The following ADAMTS10 variants were observed in gnomAD, a reference collection of about 807,000 sequenced individuals.
ADAMTS10 encodes A disintegrin and metalloproteinase with thrombospondin motifs 10.
ADAMTS10 carries 48 observed loss-of-function variants against 135.9 expected under a neutral mutation model. The observed-to-expected ratio is 0.35, with a 90% CI of 0.28 to 0.45. ADAMTS10 has a LOEUF of 0.45. ADAMTS10 is among the 20% of genes least tolerant of loss of function. The probability of loss-of-function intolerance (pLI) is 1.00; values close to 1 mark genes in which losing one functional copy is unlikely to be tolerated. For missense variants in ADAMTS10, 1,131 were observed against 1,565.2 expected (o/e 0.72, Z 4.68); for synonymous variants, 621 against 647.5 (o/e 0.96, Z 0.62).
chr19:8,587,091 A>C (rs2042443679), intron 18 of ADAMTS10, among the ~76,000 whole-genome samples, 195 bp from the exon 19 acceptor site: 1 of 152,112 alleles, frequency 6.6e-6, no homozygotes, highest in Non-Finnish European at 1.5e-5. Flanking sequence ...AGGCTCAGAG[A>C]AGCTAAGGAA....
chr19:8,581,752 C>T (rs1333866738), intron 25 of ADAMTS10, among the ~76,000 whole-genome samples: 2 of 151,452 alleles, frequency 1.3e-5, no homozygotes, highest in Non-Finnish European at 2.9e-5. Flanking sequence ...GGAGAATTGC[C>T]TGAACCCGGG....
intron 6 of ADAMTS10, among the ~76,000 whole-genome samples, chr19:8,598,320 A>C (rs1346728150): frequency 6.6e-6 from 1 of 151,372 alleles, no homozygotes; most frequent in Non-Finnish European, 1.5e-5. Context: ...GACTGCCTCA[A>C]GCATCTTTGT....
intron 12 of ADAMTS10, 157 bp downstream of exon 12, chr19:8,595,605 C>T (rs1017883743): frequency 4.1e-5 from 48 of 1,181,306 alleles, no homozygotes; most frequent in Non-Finnish European, 5.8e-5. Flanking sequence ...ACTCCATGCA[C>T]CTCTGTCCTC....
chr19:8,590,800 T>A (rs2042514380), intron 15 of ADAMTS10, among the ~76,000 whole-genome samples: 1 of 151,982 alleles, frequency 6.6e-6, no homozygotes, highest in Non-Finnish European at 1.5e-5. Flanking sequence ...TTTGCCATGT[T>A]GGCCAGGATG....
Position 8,603,885 on chromosome 19 carries a change from C to G in ADAMTS10, c.436-1G>C. The G allele has an allele frequency of 6.2e-7, 1 of 1,606,166 alleles. No individual in the cohort carries two copies. Among genetic ancestry groups the G allele is most frequent in the Non-Finnish European group, 8.5e-7 (1 of 1,174,184 alleles). ...CCTCGTCTGCCACGATCAGGCCGTGCTGGGTTTTGAGAAGTGGGATAGAAA... is the reference window on the plus strand; with the variant it reads ...CCTCGTCTGCCACGATCAGGCCGTGGTGGGTTTTGAGAAGTGGGATAGAAA... On this transcript the variant is annotated splice_acceptor_variant, in intron 4 of 25. Coordinates refer to ENST00000597188, the MANE Select transcript of ADAMTS10 (RefSeq NM_030957.4). LOFTEE classifies it high-confidence loss of function.
intron 14 of ADAMTS10, 42 bp from the exon 15 acceptor site, chr19:8,591,905 C>G: frequency 6.2e-7 from 1 of 1,611,992 alleles, no homozygotes; most frequent in Non-Finnish European, 8.5e-7. Flanking sequence ...AGGCAGTGGG[C>G]GATGGGGGCA....
Position 8,586,257 on chromosome 19 carries a change from G to A in ADAMTS10, c.2531-6C>T, listed in dbSNP as rs1555737128. 3.1e-6 allele frequency: 5 copies of A among 1,613,194 alleles called. No homozygotes were observed. Among genetic ancestry groups the A allele is most frequent in the South Asian group, 1.1e-5 (1 of 91,050 alleles). ...CACCGCCTGCACCTGGCTACCTGGA[G>A]GGGAGGGTGAGAGGCCTGCTCAGCC... On this transcript the variant is annotated splice_polypyrimidine_tract_variant and splice_region_variant and intron_variant, in intron 21 of 25. Coordinates refer to ENST00000597188, the MANE Select transcript of ADAMTS10 (RefSeq NM_030957.4).
At chr19:8,589,639 C>G (rs1568396263) in intron 16 of ADAMTS10, 54 bp from the exon 17 acceptor site, 2 of 1,609,086 alleles carry the variant, frequency 1.2e-6, no homozygotes, top group South Asian at 2.2e-5. Context: ...GAACTCTTTG[C>G]TTGCTCCCTG....
chr19:8,592,668 C>T, intron 13 of ADAMTS10, 95 bp downstream of exon 13: 1 of 1,247,608 alleles, frequency 8.0e-7, no homozygotes, highest in Non-Finnish European at 1.1e-6. Context: ...TGGGAGGGAG[C>T]AGATAATAGG....
chr19:8,592,585 G>A (rs1207682013), intron 13 of ADAMTS10, among the ~76,000 whole-genome samples, 178 bp downstream of exon 13: 2 of 151,552 alleles, frequency 1.3e-5, no homozygotes, highest in African/African-American at 4.9e-5. Context: ...CGGTGGGCGT[G>A]GCCAACGCGG....
At chr19:8,588,197 G>A (rs963028264) in intron 18 of ADAMTS10, among the ~76,000 whole-genome samples, 1 of 152,070 alleles carries the variant, frequency 6.6e-6, no homozygotes, top group Non-Finnish European at 1.5e-5. Context: ...GCAGTGAGCC[G>A]AGATCAAGCC....
At chr19:8,597,806 A>G (rs1381873672) in intron 6 of ADAMTS10, among the ~76,000 whole-genome samples, 1 of 151,208 alleles carries the variant, frequency 6.6e-6, no homozygotes, top group African/African-American at 2.4e-5. Flanking sequence ...ATGCCCACTT[A>G]ATTTTTTTTT....
At position 8,595,910 on chromosome 19, in the gene ADAMTS10, C is replaced by T. The variant is rs782434747; in HGVS notation, c.1338-7G>A. 3 of 1,614,142 alleles carry T rather than the reference C, an allele frequency of 1.9e-6. No individual in the cohort carries two copies. Among genetic ancestry groups the T allele is most frequent in the Non-Finnish European group, 2.5e-6 (3 of 1,180,026 alleles). On this transcript the variant is annotated splice_polypyrimidine_tract_variant and splice_region_variant and intron_variant, in intron 11 of 25. Transcript: ENST00000597188. ...GCAGAGCCCCAGGCCCGAGCTGCCT[C>T]GAGAGAAAAGCAACTGTCATGCTAG...
chr19:8,606,126 TCA>T (rs1418456791), intron 2 of ADAMTS10, among the ~76,000 whole-genome samples: 1 of 152,204 alleles, frequency 6.6e-6, no homozygotes, highest in Non-Finnish European at 1.5e-5. Context: ...AGTGTTGTGA[TCA>T]TAGCTCACTG....
In ADAMTS10 at chr19:8,596,923, T is replaced by C. The variant is rs1555740368; in HGVS notation, c.1040+64A>G. 3 of 1,601,432 alleles carry C rather than the reference T, an allele frequency of 1.9e-6. No homozygotes were observed. The highest frequency in any genetic ancestry group is 2.5e-6 in the Non-Finnish European group (3 of 1,178,258). On this transcript the variant is annotated intron_variant, in intron 8 of 25. Transcript: ENST00000597188. The surrounding 1 kb of genome is among the most constrained non-coding windows in gnomAD (Gnocchi z 7.2). Reference sequence around the variant, plus strand: ...TAGCAGAAGTGATCTCTGTTTGGACTCTCATGGTTCCCTGGACCATCTGTT... The same window carrying C: ...TAGCAGAAGTGATCTCTGTTTGGACCCTCATGGTTCCCTGGACCATCTGTT...
At chr19:8,609,768 C>T (rs2042760853) in intron 1 of ADAMTS10, among the ~76,000 whole-genome samples, 1 of 152,124 alleles carries the variant, frequency 6.6e-6, no homozygotes, top group Non-Finnish European at 1.5e-5. Context: ...CACTCCCACA[C>T]CCAGACACAC....
rs1202101682 is a variant in ADAMTS10 at position 8,583,548 on chromosome 19, G to GA, written c.3202+1346dup. On this transcript the variant is annotated intron_variant, in intron 25 of 25. Transcript: ENST00000597188. The stretch of plus-strand genomic sequence containing the variant: ...AGAGTGAGACTTTGTCTCAAAACAA[G>GA]AAAAAAAAAAATTTACAGCCAGGCG... Among the ~76,000 whole-genome samples the GA allele has an allele frequency of 1.8e-3, 229 of 128,640 alleles. 1 individual carries two copies. Among genetic ancestry groups the GA allele is most frequent in the African/African-American group, 4.9e-3 (166 of 34,210 alleles). 84.4% of individuals were successfully genotyped at this position (128,640 alleles called of 152,430 possible).
Position 8,605,114 on chromosome 19 carries a change from G to T in ADAMTS10, c.333C>A (p.Gly111=). 1 of 1,613,332 alleles carries T rather than the reference G, an allele frequency of 6.2e-7. No individual in the cohort carries two copies. Among genetic ancestry groups the T allele is most frequent in the Non-Finnish European group, 8.5e-7 (1 of 1,179,792 alleles). ...GCCGGGCCGCCCTCTGCCAGGCCAG[G>T]CCCTCCCGTGTCCAGTACTCCACGG... ...HVSVEYWTRE[G]LAWQRAARPH... Residue 111 remains glycine (G), a synonymous_variant, in exon 4 of 26, where the codon GGC becomes GGA. Transcript: ENST00000597188. This position sits in a 1 kb window ranked among gnomAD's most constrained non-coding sequence, Gnocchi z 7.7.
chr19:8,595,267 G>T (rs1380290042), intron 12 of ADAMTS10, among the ~76,000 whole-genome samples: 1 of 152,082 alleles, frequency 6.6e-6, no homozygotes, highest in African/African-American at 2.4e-5. Context: ...GGGGCTTTGG[G>T]AATCTAAACC....
Sources: gnomAD v4.1 joint callset for allele counts (sites outside exome capture counted in the v4.1 genomes callset) on GRCh38, gnomAD v4.1.1 for gene constraint, Gnocchi (gnomAD v3.1) non-coding constraint, MANE v1.5 for transcripts, NCBI Gene and HGNC (gene_info 2026-07-23, HGNC 2026-07-21) for gene names.